The following NPY5R variants were observed in gnomAD, a reference collection of about 807,000 sequenced individuals.
NPY5R encodes the protein neuropeptide Y receptor Y5.
Under a neutral mutation model 24.8 loss-of-function variants are expected in NPY5R, and 21 were observed. That is an observed-to-expected ratio of 0.85 (90% CI 0.60 to 1.22). NPY5R has a LOEUF of 1.22. Ranked by LOEUF, NPY5R falls within the 50% of genes most tolerant of loss-of-function variation. The pLI is 0.00. For missense variants in NPY5R, 481 were observed against 521.3 expected (o/e 0.92, Z 0.75); for synonymous variants, 175 against 183.0 (o/e 0.96, Z 0.35).
chr4:163,346,564 A>G (rs1162947393), intron 2 of NPY5R, among the ~76,000 whole-genome samples: 1 of 152,194 alleles, frequency 6.6e-6, no homozygotes, highest in Admixed American at 6.5e-5. Context: ...TTAAAATTAT[A>G]TATAAATTAT....
At chr4:163,348,359 C>T (rs1332346857) in intron 3 of NPY5R, among the ~76,000 whole-genome samples, 1 of 152,124 alleles carries the variant, frequency 6.6e-6, no homozygotes, top group African/African-American at 2.4e-5. Context: ...GTGGTTCATG[C>T]CTCTCATGCC....
At chr4:163,345,921 ACCCCTCCCCCACCC>A (rs1735221336) in intron 2 of NPY5R, among the ~76,000 whole-genome samples, 168 bp downstream of exon 2, 1 of 86,982 alleles carries the variant, frequency 1.1e-5, no homozygotes, top group African/African-American at 4.4e-5. Context: ...GTCCACCACC[ACCCCTCCCCCACCC>A]CCCCTCCCTG....
In NPY5R at chr4:163,351,408, G is replaced by T; in HGVS notation, c.1135G>T (p.Val379Phe). Residue 379 changes from valine (V) to phenylalanine (F), a missense_variant, in exon 4 of 4, where the codon GTT (valine) becomes TTT (phenylalanine). By Grantham distance (50) the Val-to-Phe change is conservative (BLOSUM62 -1). Coordinates refer to ENST00000338566, the MANE Select transcript of NPY5R (RefSeq NM_006174.4). Reference protein sequence around the residue: ...RLTILILVFAVSWMPLHLFHV... With the variant: ...RLTILILVFAFSWMPLHLFHV... ...GACCATACTGATATTAGTATTTGCT[G>T]TTAGTTGGATGCCACTACACCTTTT... 1 of 1,612,592 alleles carries T rather than the reference G, an allele frequency of 6.2e-7. No individual in the cohort carries two copies. Among genetic ancestry groups the T allele is most frequent in the Non-Finnish European group, 8.5e-7 (1 of 1,178,792 alleles).
intron 3 of NPY5R, among the ~76,000 whole-genome samples, chr4:163,349,843 A>C (rs1235507709): frequency 6.6e-6 from 1 of 152,150 alleles, no homozygotes; most frequent in African/African-American, 2.4e-5. Flanking sequence ...TGGGCTGGGC[A>C]CGGTGGCTCA....
At chr4:163,346,081 G>C (rs936090635) in intron 2 of NPY5R, among the ~76,000 whole-genome samples, 1 of 152,078 alleles carries the variant, frequency 6.6e-6, no homozygotes. Context: ...TGTGGTAGAT[G>C]GTGTGGGGTG....
chr4:163,351,115 T>A lies in NPY5R; in HGVS notation c.842T>A (p.Phe281Tyr). 1 of 1,614,124 alleles carries A rather than the reference T, an allele frequency of 6.2e-7. No homozygotes were observed. The highest frequency in any genetic ancestry group is 2.2e-5 in the East Asian group (1 of 44,874). The change falls in exon 4 of 4, where the codon TTC becomes TAC. Residue 281 changes from phenylalanine to tyrosine, a missense_variant. Coordinates refer to ENST00000338566, the MANE Select transcript of NPY5R (RefSeq NM_006174.4). ...GGCAGCCATAAATGGAGTTATTCAT[T>A]CATCAAAAAACACAGAAGAAGATAT... is the stretch of plus-strand genomic sequence containing the variant. ...LSGSHKWSYS[F>Y]IKKHRRRYSK...
intron 2 of NPY5R, among the ~76,000 whole-genome samples, chr4:163,346,988 TATATATAAAGATAC>T (rs1333951785): frequency 6.6e-6 from 1 of 152,182 alleles, no homozygotes; most frequent in African/African-American, 2.4e-5. Flanking sequence ...TCTATAAATG[TATATATAAAGATAC>T]ATATACACAC....
intron 2 of NPY5R, 69 bp from the exon 3 acceptor site, chr4:163,347,383 T>C (rs1037200409): frequency 2.0e-5 from 3 of 152,214 alleles, no homozygotes; most frequent in African/African-American, 7.2e-5. Context: ...CATCCACAGT[T>C]ACATGTTCCA....
intron 3 of NPY5R, among the ~76,000 whole-genome samples, chr4:163,348,084 A>T (rs1735324506): frequency 6.6e-6 from 1 of 152,220 alleles, no homozygotes; most frequent in Non-Finnish European, 1.5e-5. Context: ...TATTGAACGA[A>T]GACCTGCAGG....
At chr4:163,348,522 G>A (rs528272531) in intron 3 of NPY5R, among the ~76,000 whole-genome samples, 50 of 152,152 alleles carry the variant, frequency 3.3e-4, no homozygotes, top group African/African-American at 1.2e-3. Flanking sequence ...CCACGTGCCT[G>A]TAGTCCCAGC....
intron 2 of NPY5R, 55 bp downstream of exon 2, chr4:163,345,808 G>T (rs142892956): frequency 2.0e-5 from 3 of 151,972 alleles, no homozygotes; most frequent in Non-Finnish European, 2.9e-5. Flanking sequence ...TTTTAAGTGC[G>T]TTCCTGTACC....
chr4:163,348,569 C>CAGGCGTTCAAA (rs979838551), intron 3 of NPY5R, among the ~76,000 whole-genome samples: 2 of 151,606 alleles, frequency 1.3e-5, no homozygotes, highest in African/African-American at 4.9e-5. Context: ...TGCTTGAGTC[C>CAGGCGTTCAAA]AGGCGTTCAA....
chr4:163,351,009 G>A lies in NPY5R; in HGVS notation c.736G>A (p.Glu246Lys), dbSNP rs990663503. 1.2e-6 allele frequency: 2 copies of A among 1,613,926 alleles called. No homozygotes were observed. The highest frequency in any genetic ancestry group is 2.7e-5 in the African/African-American group (2 of 74,918). ...TATAAGCTGTGGATTGTCCAACAAA[G>A]AAAACAGACTTGAAGAAAATGAGAT... ...RSISCGLSNK[E>K]NRLEENEMIN... Residue 246 changes from glutamate (E) to lysine (K), a missense_variant, in exon 4 of 4, where the codon GAA becomes AAA. Physicochemically the swap from Glu to Lys is moderately conservative, Grantham distance 56. Coordinates refer to ENST00000338566, the MANE Select transcript of NPY5R (RefSeq NM_006174.4).
rs1412487893 is a variant in NPY5R, at chr4:163,347,491, A to G, written c.-41A>G. 1.3e-5 allele frequency: 2 copies of G among 152,356 alleles called. No homozygotes were observed. Among genetic ancestry groups the G allele is most frequent in the East Asian group, 1.9e-4 (1 of 5,190 alleles). 9.4% of individuals were successfully genotyped at this position (152,356 alleles called of 1,614,324 possible). ...GGCTATCGGTAACAACTGACCTGCCACAAAGTTAGAAGAAAGGATTGATTC... is the reference window on the plus strand; with the variant it reads ...GGCTATCGGTAACAACTGACCTGCCGCAAAGTTAGAAGAAAGGATTGATTC... On this transcript the variant is annotated 5_prime_UTR_variant, in exon 3 of 4. Transcript: ENST00000338566.
At chr4:163,349,107 G>A (rs141293659) in intron 3 of NPY5R, among the ~76,000 whole-genome samples, 4 of 152,208 alleles carry the variant, frequency 2.6e-5, no homozygotes, top group South Asian at 4.1e-4. Flanking sequence ...CCAGCATTGC[G>A]TCCACACAGT....
At position 163,350,586 on chromosome 4, in the gene NPY5R, G is replaced by A. The variant is rs996930289; in HGVS notation, c.313G>A (p.Asp105Asn). The A allele has an allele frequency of 4.3e-6, 7 of 1,614,032 alleles. No individual in the cohort carries two copies. The highest frequency in any genetic ancestry group is 1.6e-4 in the Middle Eastern group (1 of 6,084). Residue 105 changes from aspartate to asparagine, a missense_variant, in exon 4 of 4, where the codon GAT becomes AAT. Asp to Asn is a conservative substitution (Grantham distance 23, BLOSUM62 1). Coordinates refer to ENST00000338566, the MANE Select transcript of NPY5R (RefSeq NM_006174.4). ...SPFTLTSVLL[D>N]QWMFGKVMCH... The stretch of plus-strand genomic sequence containing the variant: ...TTTCACACTGACGTCTGTCTTGCTG[G>A]ATCAGTGGATGTTTGGCAAAGTCAT...
chr4:163,346,852 G>T lies in NPY5R; in HGVS notation c.-80-600G>T, dbSNP rs556343541. 1.7e-3 allele frequency among the ~76,000 whole-genome samples: 263 copies of T among 152,218 alleles called. 1 individual carries two copies. Among genetic ancestry groups the T allele is most frequent in the African/African-American group, 6.1e-3 (254 of 41,554 alleles). On this transcript the variant is annotated intron_variant, in intron 2 of 3. Coordinates refer to ENST00000338566, the MANE Select transcript of NPY5R (RefSeq NM_006174.4). The stretch of plus-strand genomic sequence containing the variant: ...TTACAGTTTTAGTTGCATGTTGCTT[G>T]TGTGATAGCCTTTATCAATGAAGTT...
chr4:163,344,403 C>T lies in NPY5R; in HGVS notation c.-121+403C>T, dbSNP rs550917902. On this transcript the variant is annotated intron_variant, in intron 1 of 3. Coordinates refer to ENST00000338566, the MANE Select transcript of NPY5R (RefSeq NM_006174.4). ...GGCGGGGGATGGACAAAGCGCTGCC[C>T]CCGGCTGGACGCGCTCTGGCTGCAG... is the stretch of plus-strand genomic sequence containing the variant. 6.9e-3 allele frequency: 1,059 copies of T among 152,430 alleles called. 6 individuals carry two copies. Among genetic ancestry groups the T allele is most frequent in the Non-Finnish European group, 0.013 (871 of 68,112 alleles). The allele number at this position is 152,430 out of a possible 1,614,324, so 9.4% of individuals were successfully genotyped here.
chr4:163,345,517 C>T (rs1735194573), intron 1 of NPY5R, 197 bp from the exon 2 acceptor site: 1 of 152,134 alleles, frequency 6.6e-6, no homozygotes, highest in Non-Finnish European at 1.5e-5. Context: ...TGACAAAAGT[C>T]TCATGCTGTC....
Sources: gnomAD v4.1 joint callset for allele counts (sites outside exome capture counted in the v4.1 genomes callset) on GRCh38, gnomAD v4.1.1 for gene constraint, MANE v1.5 for transcripts, NCBI Gene and HGNC (gene_info 2026-07-23, HGNC 2026-07-21) for gene names.